RBM34: variants seen among roughly 807,000 people sequenced by gnomAD.
The protein encoded by RBM34 is RNA binding motif protein 34.
Under a neutral mutation model 44.6 loss-of-function variants are expected in RBM34, and 39 were observed. The ratio of observed to expected loss-of-function variants is 0.87; its 90% CI spans 0.68 to 1.14. The LOEUF (loss-of-function observed/expected upper bound fraction) is 1.14, where lower values mean the gene tolerates loss of function less well. RBM34 is among the 50% of genes most tolerant of loss of function. The pLI is 0.00. For missense variants in RBM34, 572 were observed against 517.9 expected (o/e 1.10, Z -1.01); for synonymous variants, 194 against 184.0 (o/e 1.05, Z -0.44).
At position 235,152,852 on chromosome 1, in the gene RBM34, T is replaced by C. The variant is rs1320851954; in HGVS notation, c.598-87A>G. On this transcript the variant is annotated intron_variant, in intron 4 of 10. Coordinates refer to ENST00000408888, the MANE Select transcript of RBM34 (RefSeq NM_015014.4). ...AAAGGAATTAAGAAAAATTGTCTGA[T>C]AATCCTCTACTGCCAGGCTTTTTTT... The C allele has an allele frequency of 4.4e-6, 5 of 1,137,776 alleles. No individual in the cohort carries two copies. In the African/African-American group the frequency reaches 6.6e-5, roughly 15 times the overall value. 70.5% of individuals were successfully genotyped at this position (1,137,776 alleles called of 1,614,324 possible).
chr1:235,142,838 GA>G (rs1418823997), intron 6 of RBM34, among the ~76,000 whole-genome samples: 4 of 145,576 alleles, frequency 2.7e-5, no homozygotes, highest in Non-Finnish European at 6.0e-5. Context: ...TGAGGCAGGA[GA>G]ATCAGTTGAA....
At chr1:235,155,830 T>TATATATATATAC (rs1662393386) in intron 3 of RBM34, among the ~76,000 whole-genome samples, 1 of 18,214 alleles carries the variant, frequency 5.5e-5, no homozygotes, top group Non-Finnish European at 8.8e-5. Context: ...TACATATATA[T>TATATATATATAC]ATATATATAT....
chr1:235,135,984 CTTG>C (rs1176083953), intron 9 of RBM34, 47 bp downstream of exon 9: 1 of 1,431,078 alleles, frequency 7.0e-7, no homozygotes, highest in Admixed American at 2.0e-5. Flanking sequence ...TTCTTATTTC[CTTG>C]TTATTTATTT....
intron 6 of RBM34, among the ~76,000 whole-genome samples, chr1:235,146,675 C>A (rs1392387585): frequency 6.6e-6 from 1 of 152,142 alleles, no homozygotes; most frequent in Non-Finnish European, 1.5e-5. Flanking sequence ...GGCTGGAGTG[C>A]AATGGCGTGA....
Position 235,136,052 on chromosome 1 carries a change from CA to C in RBM34, c.870del (p.Phe290LeufsTer27). The C allele has an allele frequency of 6.3e-7, 1 of 1,596,808 alleles. No individual in the cohort carries two copies. The highest frequency in any genetic ancestry group is 8.6e-7 in the Non-Finnish European group (1 of 1,166,744). On this transcript the variant is annotated frameshift_variant, in exon 9 of 11. Transcript: ENST00000408888. LOFTEE classifies it high-confidence loss of function. Reference protein sequence around the residue: ...ETSSRDKRSVFVGNLPYKVEE... With the variant: ...ETSSRDKRSVXVGNLPYKVEE... ...AACTTACTATAAGGGAGATTCCCCA[CA>C]AAAACCGATCTCTTGTCTCTCTGAA...
intron 6 of RBM34, among the ~76,000 whole-genome samples, chr1:235,139,376 G>A (rs1476296616): frequency 1.3e-5 from 2 of 152,166 alleles, no homozygotes; most frequent in African/African-American, 4.8e-5. Context: ...CAGACACTCA[G>A]CTAGACATTT....
At chr1:235,159,347 C>T (rs140084034) in intron 3 of RBM34, among the ~76,000 whole-genome samples, 1,690 of 151,760 alleles carry the variant, frequency 0.011, 30 homozygotes, top group African/African-American at 0.036. Flanking sequence ...GTCAAGAGTT[C>T]GAGACCAGAC....
At chr1:235,136,626 G>A (rs1431492139) in intron 8 of RBM34, among the ~76,000 whole-genome samples, 5 of 152,146 alleles carry the variant, frequency 3.3e-5, no homozygotes, top group Non-Finnish European at 7.3e-5. Flanking sequence ...CTTTGATATC[G>A]ACAGAAATGC....
rs763661804 is a variant in RBM34 at position 235,131,911 on chromosome 1, T to C, written c.1095A>G (p.Lys365=). ...TTGAATTTTGTTGTTTAAATTTTTC[T>C]TTATTAACAGAACGCATGACTCTGA... The part of the protein sequence containing the change: ...RKLRVMRSVN[K]EKFKQQNSNP... The change falls in exon 11 of 11, where the codon AAA becomes AAG. Residue 365 remains lysine, a synonymous_variant. Transcript: ENST00000408888. 1.2e-6 allele frequency: 2 copies of C among 1,613,812 alleles called. No individual in the cohort carries two copies. The highest frequency in any genetic ancestry group is 2.2e-5 in the East Asian group (1 of 44,874).
Position 235,131,958 on chromosome 1 carries a change from A to C in RBM34, c.1048T>G (p.Ser350Ala). The change falls in exon 11 of 11, where the codon TCT becomes GCT. Residue 350 changes from serine (S) to alanine (A), a missense_variant. Coordinates refer to ENST00000408888, the MANE Select transcript of RBM34 (RefSeq NM_015014.4). ...SVHLALKLNN[S>A]ELMGRKLRVM... Reference sequence around the variant, plus strand: ...CTGAGTTTTCTCCCCATGAGTTCAGAATTATTTAATTTCAGAGCAAGATGA... The same window carrying C: ...CTGAGTTTTCTCCCCATGAGTTCAGCATTATTTAATTTCAGAGCAAGATGA... 3 of 1,604,996 alleles carry C rather than the reference A, an allele frequency of 1.9e-6. No individual in the cohort carries two copies. The highest frequency in any genetic ancestry group is 2.6e-6 in the Non-Finnish European group (3 of 1,175,564).
intron 7 of RBM34, 26 bp from the exon 8 acceptor site, chr1:235,137,966 T>C (rs1290976908): frequency 2.5e-6 from 4 of 1,586,006 alleles, no homozygotes; most frequent in Admixed American, 3.4e-5. Context: ...AAAGGGAAAA[T>C]GGTTGTTAAA....
At chr1:235,160,680 C>G in intron 2 of RBM34, 33 bp from the exon 3 acceptor site, 1 of 1,599,404 alleles carries the variant, frequency 6.3e-7, no homozygotes, top group Non-Finnish European at 8.5e-7. Flanking sequence ...ATTTGAGACC[C>G]CATACTTCTA....
chr1:235,158,331 C>A (rs146477128), intron 3 of RBM34, among the ~76,000 whole-genome samples: 1,683 of 151,642 alleles, frequency 0.011, 30 homozygotes, highest in African/African-American at 0.035. Flanking sequence ...GCAGGAGAAT[C>A]GCTTGAACCC....
intron 5 of RBM34, 148 bp from the exon 6 acceptor site, chr1:235,148,595 A>ATTT (rs375944652): frequency 1.3e-4 from 47 of 352,730 alleles, no homozygotes; most frequent in Non-Finnish European, 1.7e-4. Context: ...AACTGTCCTA[A>ATTT]TTTTTTTTTT....
intron 3 of RBM34, 35 bp from the exon 4 acceptor site, chr1:235,155,147 G>C (rs752760116): frequency 5.8e-6 from 9 of 1,545,644 alleles, no homozygotes; most frequent in Non-Finnish European, 8.0e-6. Flanking sequence ...AGCAGTAAGA[G>C]TCATGCCAGT....
At chr1:235,141,782 CACT>C (rs1284765296) in intron 6 of RBM34, among the ~76,000 whole-genome samples, 5 of 152,164 alleles carry the variant, frequency 3.3e-5, no homozygotes, top group Non-Finnish European at 7.3e-5. Context: ...CTGTAACACT[CACT>C]GCGAAGGTCT....
chr1:235,161,185 ACTTCT>A lies in RBM34; in HGVS notation c.37_41del (p.Arg13CysfsTer8). 2 of 1,606,898 alleles carry A rather than the reference ACTTCT, an allele frequency of 1.2e-6. No individual in the cohort carries two copies. Among genetic ancestry groups the A allele is most frequent in the Non-Finnish European group, 1.7e-6 (2 of 1,175,484 alleles). Reference sequence around the variant, plus strand: ...CGCGCGCCACTCACCCCTCCTGGACACTTCTCTTTCTCTTCCGTTTGCTCATCCCT... The same window carrying A: ...CGCGCGCCACTCACCCCTCCTGGACACTTTCTCTTCCGTTTGCTCATCCCT... On this transcript the variant is annotated frameshift_variant, in exon 1 of 11. Transcript: ENST00000408888. LOFTEE classifies it high-confidence loss of function.
In RBM34 at chr1:235,141,631, G is replaced by C. The variant is rs568618361; in HGVS notation, c.702-3457C>G. Among the ~76,000 whole-genome samples, 52 of 152,234 alleles carry C rather than the reference G, an allele frequency of 3.4e-4. 1 individual carries two copies. In the South Asian group the frequency reaches 8.5e-3, roughly 25 times the overall value. On this transcript the variant is annotated intron_variant, in intron 6 of 10. Transcript: ENST00000408888. ...CCTTTCACTCTTTGCAATAAATCTT[G>C]CTACTGCTCACTCTTTGGGTCCACG...
At position 235,131,982 on chromosome 1, in the gene RBM34, G is replaced by T; in HGVS notation, c.1024C>A (p.His342Asn). The change falls in exon 11 of 11, where the codon CAT becomes AAT. Residue 342 changes from histidine (H) to asparagine (N), a missense_variant. By Grantham distance (68) the His-to-Asn change is moderately conservative. Coordinates refer to ENST00000408888, the MANE Select transcript of RBM34 (RefSeq NM_015014.4). Reference protein sequence around the residue: ...YVLFENTDSVHLALKLNNSEL... With the variant: ...YVLFENTDSVNLALKLNNSEL... ...GAATTATTTAATTTCAGAGCAAGAT[G>T]AACAGAATCTGTATTCTGCAAAAGA... 6.3e-7 allele frequency: 1 copy of T among 1,598,160 alleles called. No homozygotes were observed. Among genetic ancestry groups the T allele is most frequent in the South Asian group, 1.1e-5 (1 of 89,210 alleles).
Sources: gnomAD v4.1 joint callset for allele counts (sites outside exome capture counted in the v4.1 genomes callset) on GRCh38, gnomAD v4.1.1 for gene constraint, MANE v1.5 for transcripts, NCBI Gene and HGNC (gene_info 2026-07-23, HGNC 2026-07-21) for gene names.